The following MCTP1 variants were observed in gnomAD, a reference collection of about 807,000 sequenced individuals.
The protein encoded by MCTP1 is multiple C2 and transmembrane domain containing 1.
A neutral mutation model predicts 120.6 loss-of-function variants in MCTP1; 69 were observed. That is an observed-to-expected ratio of 0.57 (90% confidence interval 0.47 to 0.70). MCTP1 has a LOEUF of 0.70. Ranked by LOEUF, MCTP1 falls within the 30% of genes least tolerant of loss-of-function variation. MCTP1 has a pLI of 0.00. For missense variants in MCTP1, 1,203 were observed against 1,248.8 expected, an observed-to-expected ratio of 0.96 and a Z score of 0.55; for synonymous variants, 529 against 493.1, an observed-to-expected ratio of 1.07 and a Z score of -0.96.
chr5:94,862,146 G>GTT (rs1795929484), intron 17 of MCTP1, among the ~76,000 whole-genome samples: 1 of 151,818 alleles, frequency 6.6e-6, no homozygotes, highest in Non-Finnish European at 1.5e-5. Context: ...CAGAAGAAAA[G>GTT]TTTTCAAAAT....
At chr5:95,229,600 G>A (rs1289215559) in intron 1 of MCTP1, among the ~76,000 whole-genome samples, 1 of 152,028 alleles carries the variant, frequency 6.6e-6, no homozygotes, top group Admixed American at 6.6e-5. Context: ...TACACCACAG[G>A]TGTGGTGGCG....
intron 1 of MCTP1, among the ~76,000 whole-genome samples, chr5:95,265,986 A>G (rs77505970): frequency 0.011 from 1,727 of 152,342 alleles, 40 homozygotes; most frequent in African/African-American, 0.039. Flanking sequence ...AGAATGCATA[A>G]GAAGGAAACA....
At chr5:95,277,395 G>C (rs562424869) in intron 1 of MCTP1, among the ~76,000 whole-genome samples, 100 of 152,188 alleles carry the variant, frequency 6.6e-4, no homozygotes, top group Non-Finnish European at 1.2e-3. Context: ...GTGGAAGAGG[G>C]GAACATCAAA....
chr5:94,963,176 T>C (rs1824702173), intron 2 of MCTP1, among the ~76,000 whole-genome samples: 1 of 152,074 alleles, frequency 6.6e-6, no homozygotes, highest in South Asian at 2.1e-4. Flanking sequence ...GAGGAAAACA[T>C]ACAGTCAAAC....
intron 1 of MCTP1, among the ~76,000 whole-genome samples, chr5:95,054,730 G>T: frequency 6.6e-6 from 1 of 152,312 alleles, no homozygotes; most frequent in African/African-American, 2.4e-5. Flanking sequence ...CCATCAGAAA[G>T]CTGGCCATCT....
intron 21 of MCTP1, 27 bp downstream of exon 21, chr5:94,710,791 T>C (rs372482109): frequency 1.0e-4 from 148 of 1,455,482 alleles, no homozygotes; most frequent in South Asian, 7.9e-4. Context: ...TAAGACAGTT[T>C]GGGGGAGTGG....
chr5:95,147,291 C>T (rs550270112), intron 1 of MCTP1, among the ~76,000 whole-genome samples: 4 of 151,902 alleles, frequency 2.6e-5, no homozygotes, highest in Non-Finnish European at 5.9e-5. Flanking sequence ...TTTCACTGTG[C>T]TAGCCAGGAT....
chr5:94,809,277 C>T (rs1336570838), intron 17 of MCTP1, among the ~76,000 whole-genome samples: 1 of 151,388 alleles, frequency 6.6e-6, no homozygotes, highest in Non-Finnish European at 1.5e-5. Context: ...ACAAGTTGTA[C>T]TGATAATTTG....
rs147496066 is a variant in MCTP1 at position 95,190,558 on chromosome 5, A to G, written c.720+93298T>C. ...AAACTTGGGAGCAAATTCATTGTCA[A>G]CTACCAATCTGGAACCCAGGAAAGA... On this transcript the variant is annotated intron_variant, in intron 1 of 22. Coordinates refer to ENST00000515393, the MANE Select transcript of MCTP1 (RefSeq NM_024717.7). Among the ~76,000 whole-genome samples the G allele has an allele frequency of 7.2e-5, 11 of 152,156 alleles. No homozygotes were observed. The East Asian group carries it at 1.9e-3, about 27-fold the overall frequency.
intron 2 of MCTP1, among the ~76,000 whole-genome samples, chr5:94,956,007 C>A (rs1421138276): frequency 6.6e-6 from 1 of 152,216 alleles, no homozygotes; most frequent in East Asian, 1.9e-4. Flanking sequence ...AGACACCTCA[C>A]ACAGGAGAGT....
intron 2 of MCTP1, among the ~76,000 whole-genome samples, chr5:95,012,943 T>A (rs1440322313): frequency 6.6e-6 from 1 of 152,104 alleles, no homozygotes; most frequent in Non-Finnish European, 1.5e-5. Flanking sequence ...CAATGGCATG[T>A]CAAAAGGAGA....
At chr5:94,941,417 G>A (rs1463991175) in intron 4 of MCTP1, among the ~76,000 whole-genome samples, 1 of 152,046 alleles carries the variant, frequency 6.6e-6, no homozygotes, top group African/African-American at 2.4e-5. Context: ...ACTATTGGAA[G>A]ACCAATAAGC....
intron 1 of MCTP1, among the ~76,000 whole-genome samples, chr5:95,198,665 C>A (rs1750661161): frequency 6.6e-6 from 1 of 152,050 alleles, no homozygotes; most frequent in Non-Finnish European, 1.5e-5. Context: ...AAAGAAAGAC[C>A]AACGTTGAGC....
chr5:94,871,631 T>C (rs991496268), intron 13 of MCTP1, among the ~76,000 whole-genome samples: 1 of 152,140 alleles, frequency 6.6e-6, no homozygotes, highest in South Asian at 2.1e-4. Context: ...TCTGTAACTT[T>C]AAACACCTTG....
chr5:95,235,889 G>A (rs1042550815), intron 1 of MCTP1, among the ~76,000 whole-genome samples: 1 of 152,140 alleles, frequency 6.6e-6, no homozygotes, highest in African/African-American at 2.4e-5. Flanking sequence ...AGCTACTTCT[G>A]ACTACAGTAC....
chr5:95,279,256 A>C (rs531403654), intron 1 of MCTP1, among the ~76,000 whole-genome samples: 1 of 152,362 alleles, frequency 6.6e-6, no homozygotes, highest in South Asian at 2.1e-4. Flanking sequence ...ATGAGGTAAA[A>C]GAAAGAGGAA....
chr5:94,752,146 T>TATATATATATATATATATATATATATA (rs1768602448), intron 19 of MCTP1, among the ~76,000 whole-genome samples: 58 of 115,616 alleles, frequency 5.0e-4, no homozygotes, highest in Admixed American at 7.5e-4. Context: ...TATATATATA[T>TATATATATATATATATATATATATATA]TCAAAATAGC....
At chr5:94,997,692 C>G (rs1832880811) in intron 2 of MCTP1, among the ~76,000 whole-genome samples, 2 of 152,124 alleles carry the variant, frequency 1.3e-5, no homozygotes, top group Non-Finnish European at 2.9e-5. Flanking sequence ...ATCAATGGAC[C>G]TACGCTGATA....
intron 2 of MCTP1, among the ~76,000 whole-genome samples, chr5:95,006,478 A>G (rs887540655): frequency 2.0e-5 from 3 of 152,162 alleles, no homozygotes; most frequent in Non-Finnish European, 4.4e-5. Flanking sequence ...AACACTGTTT[A>G]AAGAAATAAC....
Sources: allele counts gnomAD v4.1 joint callset (sites outside exome capture counted in the v4.1 genomes callset), GRCh38; gene constraint gnomAD v4.1.1; transcripts MANE v1.5; gene names NCBI Gene and HGNC (gene_info 2026-07-23, HGNC 2026-07-21).